Variants in CACNG2 observed in about 807,000 individuals in gnomAD.
CACNG2 encodes the protein voltage-dependent calcium channel gamma-2 subunit.
CACNG2 carries 3 observed loss-of-function variants against 25.9 expected under a neutral mutation model. That is an observed-to-expected ratio of 0.12 (90% confidence interval 0.05 to 0.30). The LOEUF (loss-of-function observed/expected upper bound fraction) is 0.30, where lower values mean the gene tolerates loss of function less well. CACNG2 is among the 10% of genes least tolerant of loss of function. The pLI, the probability that CACNG2 is intolerant of heterozygous loss-of-function variation, is 1.00. For missense variants in CACNG2, 341 were observed against 432.5 expected (o/e 0.79, Z 1.88); for synonymous variants, 167 against 173.3 (o/e 0.96, Z 0.29).
chr22:36,615,877 G>A (rs1489597168), intron 1 of CACNG2, among the ~76,000 whole-genome samples: 2 of 152,162 alleles, frequency 1.3e-5, no homozygotes, highest in Non-Finnish European at 2.9e-5. Context: ...AAAAAAGAAA[G>A]AACTCACAGA....
chr22:36,631,380 T>A (rs1357096569), intron 1 of CACNG2, among the ~76,000 whole-genome samples: 1 of 152,144 alleles, frequency 6.6e-6, no homozygotes, highest in Non-Finnish European at 1.5e-5. Context: ...AGGACACTGA[T>A]CTTGTGAAAC....
At chr22:36,627,563 G>A (rs1177469752) in intron 1 of CACNG2, among the ~76,000 whole-genome samples, 1 of 151,978 alleles carries the variant, frequency 6.6e-6, no homozygotes, top group Non-Finnish European at 1.5e-5. Context: ...AGGCTTAGCT[G>A]CCTTAAACTC....
At chr22:36,644,433 A>C (rs1936488612) in intron 1 of CACNG2, among the ~76,000 whole-genome samples, 1 of 152,212 alleles carries the variant, frequency 6.6e-6, no homozygotes, top group African/African-American at 2.4e-5. Flanking sequence ...ATGCTCTCCA[A>C]GGTGCTGAAG....
intron 1 of CACNG2, among the ~76,000 whole-genome samples, chr22:36,683,736 G>C (rs1937158419): frequency 6.6e-6 from 1 of 152,132 alleles, no homozygotes; most frequent in South Asian, 2.1e-4. Flanking sequence ...AATTCCTCTT[G>C]TTCTGATGGT....
intron 1 of CACNG2, among the ~76,000 whole-genome samples, chr22:36,689,696 C>T (rs1447871554): frequency 6.6e-6 from 1 of 151,492 alleles, no homozygotes; most frequent in Non-Finnish European, 1.5e-5. Flanking sequence ...GGTCCTGCAG[C>T]AGGTCTCCCT....
At chr22:36,626,315 A>T (rs1936182383) in intron 1 of CACNG2, among the ~76,000 whole-genome samples, 1 of 152,210 alleles carries the variant, frequency 6.6e-6, no homozygotes, top group Admixed American at 6.5e-5. Flanking sequence ...TGAAAGAGTC[A>T]CTTAAATGTT....
rs2179871 is a variant in CACNG2, at chr22:36,695,586, T to A, written c.211+6780A>T. On this transcript the variant is annotated intron_variant, in intron 1 of 3. Coordinates refer to ENST00000300105, the MANE Select transcript of CACNG2 (RefSeq NM_006078.5). ...TATCTCTGGACATGCTGCCCTCCGA[T>A]CTGGAATGTCCTTTCTTCCTCTCTT... Among the ~76,000 whole-genome samples the A allele has an allele frequency of 2.0e-5, 3 of 151,128 alleles. No individual in the cohort carries two copies. In the East Asian group the frequency reaches 5.9e-4, roughly 30 times the overall value.
intron 2 of CACNG2, among the ~76,000 whole-genome samples, chr22:36,571,144 C>T (rs868246511): frequency 6.6e-6 from 1 of 152,088 alleles, no homozygotes; most frequent in Non-Finnish European, 1.5e-5. Context: ...TGAGGCCCAG[C>T]GGCATTGGCA....
intron 1 of CACNG2, among the ~76,000 whole-genome samples, chr22:36,592,788 C>T (rs1056108281): frequency 3.4e-4 from 52 of 152,270 alleles, no homozygotes; most frequent in South Asian, 2.5e-3. Flanking sequence ...TCCACCTCGG[C>T]GAGTGCAGAA....
chr22:36,684,099 C>T (rs1292824049), intron 1 of CACNG2, among the ~76,000 whole-genome samples: 2 of 152,100 alleles, frequency 1.3e-5, no homozygotes, highest in East Asian at 1.9e-4. Flanking sequence ...TCTTTCAAAC[C>T]CCGTGGATGG....
intron 1 of CACNG2, among the ~76,000 whole-genome samples, chr22:36,605,473 A>T (rs1935817079): frequency 6.6e-6 from 1 of 152,190 alleles, no homozygotes; most frequent in South Asian, 2.1e-4. Flanking sequence ...CCGAATCCTC[A>T]GTATCTCCCA....
At chr22:36,701,351 A>G (rs1370716343) in intron 1 of CACNG2, among the ~76,000 whole-genome samples, 3 of 151,824 alleles carry the variant, frequency 2.0e-5, no homozygotes, top group Admixed American at 6.5e-5. Flanking sequence ...GATGACCCAC[A>G]GGAGTTTTTT....
intron 1 of CACNG2, among the ~76,000 whole-genome samples, chr22:36,666,742 G>T (rs1936880004): frequency 7.1e-6 from 1 of 141,362 alleles, no homozygotes; most frequent in Admixed American, 7.0e-5. Flanking sequence ...CCTATGAGTG[G>T]AGGCTCTTCA....
At chr22:36,646,380 T>G (rs1936524654) in intron 1 of CACNG2, among the ~76,000 whole-genome samples, 1 of 152,178 alleles carries the variant, frequency 6.6e-6, no homozygotes, top group Non-Finnish European at 1.5e-5. Flanking sequence ...CAAGACCTTG[T>G]CTGCGAGCTG....
At chr22:36,663,129 G>GC (rs1936823974) in intron 1 of CACNG2, among the ~76,000 whole-genome samples, 1 of 152,142 alleles carries the variant, frequency 6.6e-6, no homozygotes, top group African/African-American at 2.4e-5. Context: ...CTCATTAGGA[G>GC]CCCAAGCCCT....
At chr22:36,646,957 A>G (rs1936534782) in intron 1 of CACNG2, among the ~76,000 whole-genome samples, 1 of 152,126 alleles carries the variant, frequency 6.6e-6, no homozygotes, top group African/African-American at 2.4e-5. Flanking sequence ...AGGGGCAGGC[A>G]TTGACATTCT....
At chr22:36,618,852 G>A (rs997722250) in intron 1 of CACNG2, among the ~76,000 whole-genome samples, 2 of 152,106 alleles carry the variant, frequency 1.3e-5, no homozygotes, top group Admixed American at 1.3e-4. Flanking sequence ...CCTGGGAGTC[G>A]GAGGTTGCAG....
intron 1 of CACNG2, among the ~76,000 whole-genome samples, chr22:36,674,507 T>C (rs1478246833): frequency 6.6e-6 from 1 of 152,130 alleles, no homozygotes; most frequent in Admixed American, 6.5e-5. Context: ...TTTTGTATTT[T>C]CAGTACAGAG....
chr22:36,565,586 C>T (rs1392669220), intron 3 of CACNG2, among the ~76,000 whole-genome samples: 1 of 152,006 alleles, frequency 6.6e-6, no homozygotes, highest in Non-Finnish European at 1.5e-5. Flanking sequence ...TCAAGCGATC[C>T]TCCCACCTTA....
Sources: gnomAD v4.1 joint callset for allele counts (sites outside exome capture counted in the v4.1 genomes callset) on GRCh38, gnomAD v4.1.1 for gene constraint, MANE v1.5 for transcripts, NCBI Gene and HGNC (gene_info 2026-07-23, HGNC 2026-07-21) for gene names.